The following AGBL1 variants were observed in gnomAD, a reference collection of about 807,000 sequenced individuals.
AGBL1 encodes cytosolic carboxypeptidase 4.
A neutral mutation model predicts 118.9 loss-of-function variants in AGBL1; 130 were observed. The observed-to-expected ratio is 1.09, with a 90% CI of 0.95 to 1.26. The LOEUF (loss-of-function observed/expected upper bound fraction) is 1.26, where lower values mean the gene tolerates loss of function less well. AGBL1 is among the 50% of genes most tolerant of loss of function. The probability of loss-of-function intolerance (pLI) is 0.00; values close to 1 mark genes in which losing one functional copy is unlikely to be tolerated. For synonymous variants in AGBL1, 555 were observed against 478.9 expected (o/e 1.16, Z -2.08); for missense variants, 1,584 against 1,298.1 (o/e 1.22, Z -3.38).
At chr15:86,741,799 A>G (rs1049905213) in intron 22 of AGBL1, among the ~76,000 whole-genome samples, 1 of 152,072 alleles carries the variant, frequency 6.6e-6, no homozygotes, top group African/African-American at 2.4e-5. Flanking sequence ...TCCTTGTTTT[A>G]GTTATTCAAT....
In AGBL1 at chr15:86,849,697, C is replaced by T. The variant is rs75253441; in HGVS notation, c.3159-57390C>T. Among the ~76,000 whole-genome samples the T allele has an allele frequency of 5.0e-4, 76 of 152,272 alleles. 1 individual carries two copies. The highest frequency in any genetic ancestry group is 1.7e-3 in the African/African-American group (72 of 41,552). Reference sequence around the variant, plus strand: ...TTTCTTTCACAGGCTCCAGAAGTGACAGGCATGGCACAGATTATGCCAGGC... The same window carrying T: ...TTTCTTTCACAGGCTCCAGAAGTGATAGGCATGGCACAGATTATGCCAGGC... On this transcript the variant is annotated intron_variant, in intron 22 of 22. Transcript: ENST00000614907.
At chr15:86,535,983 G>C (rs1768121633) in intron 19 of AGBL1, among the ~76,000 whole-genome samples, 1 of 152,040 alleles carries the variant, frequency 6.6e-6, no homozygotes, top group Non-Finnish European at 1.5e-5. Flanking sequence ...GGATATGGTA[G>C]GAAAAGAACA....
intron 23 of AGBL1, among the ~76,000 whole-genome samples, chr15:86,930,840 T>C (rs2080595524): frequency 6.6e-6 from 1 of 152,158 alleles, no homozygotes; most frequent in Admixed American, 6.5e-5. Flanking sequence ...AATGAGCAAC[T>C]TGGCAAGCAA....
At chr15:86,868,548 C>T (rs189191120) in intron 22 of AGBL1, among the ~76,000 whole-genome samples, 8 of 152,276 alleles carry the variant, frequency 5.3e-5, no homozygotes, top group Admixed American at 2.0e-4. Flanking sequence ...TAAGTACTTT[C>T]GAATCTAGTG....
chr15:87,008,283 TCTTTCC>T, intron 24 of AGBL1, among the ~76,000 whole-genome samples: 1 of 152,172 alleles, frequency 6.6e-6, no homozygotes, highest in Admixed American at 6.5e-5. Context: ...TGGGGGCAGG[TCTTTCC>T]CACGCTGTTC....
At chr15:86,421,414 T>C (rs1431142955) in intron 18 of AGBL1, among the ~76,000 whole-genome samples, 1 of 152,190 alleles carries the variant, frequency 6.6e-6, no homozygotes, top group Non-Finnish European at 1.5e-5. Context: ...TGAGATATTT[T>C]GTCATCACCA....
intron 22 of AGBL1, among the ~76,000 whole-genome samples, chr15:86,776,838 T>TA (rs1567168848): frequency 6.6e-6 from 1 of 151,552 alleles, no homozygotes; most frequent in African/African-American, 2.4e-5. Flanking sequence ...CAGGTTTTTT[T>TA]AAAAAATCAA....
intron 19 of AGBL1, among the ~76,000 whole-genome samples, chr15:86,538,861 T>A (rs2083458395): frequency 6.6e-6 from 1 of 152,032 alleles, no homozygotes; most frequent in Non-Finnish European, 1.5e-5. Flanking sequence ...AGGGAGAGGG[T>A]AACCTCTTGA....
At chr15:86,770,326 C>T (rs902406354) in intron 22 of AGBL1, among the ~76,000 whole-genome samples, 2 of 151,782 alleles carry the variant, frequency 1.3e-5, no homozygotes, top group Non-Finnish European at 2.9e-5. Context: ...TGCATCCCCG[C>T]ACAGGAGACA....
rs192783305 is a variant in AGBL1 at position 86,661,358 on chromosome 15, A to G, written c.2995-12915A>G. Among the ~76,000 whole-genome samples the G allele has an allele frequency of 2.0e-4, 30 of 152,194 alleles. No individual in the cohort carries two copies. In the East Asian group the frequency reaches 5.6e-3, roughly 29 times the overall value. On this transcript the variant is annotated intron_variant, in intron 21 of 22. Coordinates refer to ENST00000614907, the MANE Select transcript of AGBL1 (RefSeq NM_001386094.1). The stretch of plus-strand genomic sequence containing the variant: ...GGAGGCAGGTACATGAGTCACCTTC[A>G]AGAATTCAGACCATGCTTTTTTTCC...
intron 22 of AGBL1, among the ~76,000 whole-genome samples, chr15:86,717,817 C>G (rs945285054): frequency 1.3e-5 from 2 of 152,140 alleles, no homozygotes; most frequent in Non-Finnish European, 2.9e-5. Context: ...TGGTGGCTCA[C>G]GCCTGTAATC....
At chr15:86,287,134 T>C (rs144941901) in intron 16 of AGBL1, among the ~76,000 whole-genome samples, 9 of 152,302 alleles carry the variant, frequency 5.9e-5, no homozygotes, top group African/African-American at 2.2e-4. Context: ...TATGTATCTG[T>C]TGGCCATTTG....
chr15:86,177,335 C>A (rs1215057122), intron 5 of AGBL1, among the ~76,000 whole-genome samples: 1 of 152,088 alleles, frequency 6.6e-6, no homozygotes. Context: ...ATAGATAGAT[C>A]CATGACTTTA....
intron 22 of AGBL1, among the ~76,000 whole-genome samples, chr15:86,696,115 A>C (rs903770891): frequency 3.9e-5 from 6 of 151,962 alleles, no homozygotes; most frequent in African/African-American, 1.4e-4. Context: ...TTTAGGGTAT[A>C]GTTTAAATCT....
chr15:87,021,933 T>G (rs1322008194), intron 24 of AGBL1, among the ~76,000 whole-genome samples: 3 of 152,118 alleles, frequency 2.0e-5, no homozygotes, highest in Admixed American at 6.6e-5. Flanking sequence ...TCTGCTGGTA[T>G]TCACGGCTGA....
At chr15:87,021,868 A>G (rs543263950) in intron 24 of AGBL1, among the ~76,000 whole-genome samples, 1 of 152,242 alleles carries the variant, frequency 6.6e-6, no homozygotes, top group Admixed American at 6.5e-5. Flanking sequence ...AAGGACCCAC[A>G]GACCCCTGAA....
rs145673506 is a variant in AGBL1 at position 86,189,471 on chromosome 15, G to A, written c.488+30445G>A. On this transcript the variant is annotated intron_variant, in intron 5 of 22. Coordinates refer to ENST00000614907, the MANE Select transcript of AGBL1 (RefSeq NM_001386094.1). The stretch of plus-strand genomic sequence containing the variant: ...TTGAAATCGGATCCCCAGTGTTGGA[G>A]GTGGGGCCTGGTAGGAGGCATTTAG... 7.2e-5 allele frequency among the ~76,000 whole-genome samples: 11 copies of A among 152,300 alleles called. No individual in the cohort carries two copies. In the East Asian group the frequency reaches 2.1e-3, roughly 29 times the overall value.
intron 17 of AGBL1, among the ~76,000 whole-genome samples, chr15:86,343,274 G>A (rs916691848): frequency 5.9e-5 from 9 of 152,116 alleles, no homozygotes; most frequent in Non-Finnish European, 1.2e-4. Context: ...AAGAGTGACA[G>A]CATGGTTTTT....
chr15:86,636,760 C>CAT (rs1169454375), intron 21 of AGBL1, among the ~76,000 whole-genome samples: 1,273 of 27,446 alleles, frequency 0.046, 303 homozygotes, highest in East Asian at 0.17. Flanking sequence ...TATATATATA[C>CAT]ACATACATAC....
Sources: gnomAD v4.1 joint callset for allele counts (sites outside exome capture counted in the v4.1 genomes callset) on GRCh38, gnomAD v4.1.1 for gene constraint, MANE v1.5 for transcripts, NCBI Gene and HGNC (gene_info 2026-07-23, HGNC 2026-07-21) for gene names.